The following GRM8 variants were observed in gnomAD, a reference collection of about 807,000 sequenced individuals.
The protein encoded by GRM8 is glutamate metabotropic receptor 8.
Under a neutral mutation model 87.2 loss-of-function variants are expected in GRM8, and 47 were observed. The ratio of observed to expected loss-of-function variants is 0.54; its 90% CI spans 0.43 to 0.69. The LOEUF (loss-of-function observed/expected upper bound fraction) is 0.69, where lower values mean the gene tolerates loss of function less well. Among genes scored for constraint, GRM8 ranks in the 30% least tolerant of loss-of-function variants. GRM8 has a pLI of 0.00. For missense variants in GRM8, 1,019 were observed against 1,139.2 expected (o/e 0.89, Z 1.52); for synonymous variants, 396 against 404.5 (o/e 0.98, Z 0.25).
At chr7:127,085,031 T>A (rs1241771104) in intron 3 of GRM8, among the ~76,000 whole-genome samples, 1 of 152,216 alleles carries the variant, frequency 6.6e-6, no homozygotes, top group Non-Finnish European at 1.5e-5. Context: ...TTCTCATTGT[T>A]CAATTCCCAC....
intron 3 of GRM8, among the ~76,000 whole-genome samples, chr7:127,002,406 C>T (rs1057463400): frequency 7.9e-5 from 12 of 151,586 alleles, no homozygotes; most frequent in Non-Finnish European, 1.8e-4. Context: ...TCCTCCTACC[C>T]AGCTGGGAAA....
chr7:127,114,136 T>C (rs1346499471), intron 2 of GRM8, among the ~76,000 whole-genome samples: 4 of 152,216 alleles, frequency 2.6e-5, no homozygotes, highest in African/African-American at 4.8e-5. Context: ...CCTGTCCTCA[T>C]AGTCGACAGT....
chr7:126,600,170 A>G (rs1797592326), intron 8 of GRM8, among the ~76,000 whole-genome samples: 1 of 152,160 alleles, frequency 6.6e-6, no homozygotes, highest in African/African-American at 2.4e-5. Context: ...GTACCTGTAT[A>G]ATTATGCAAT....
chr7:126,891,180 C>G (rs1046026846), intron 6 of GRM8, among the ~76,000 whole-genome samples: 2 of 152,054 alleles, frequency 1.3e-5, no homozygotes, highest in African/African-American at 4.8e-5. Flanking sequence ...TTGTCCTCTC[C>G]TTTAACATGC....
chr7:126,862,978 T>C (rs931144287), intron 6 of GRM8, among the ~76,000 whole-genome samples: 7 of 152,140 alleles, frequency 4.6e-5, no homozygotes, highest in African/African-American at 1.4e-4. Flanking sequence ...CTTCTTCTTG[T>C]ATGCTTTTCC....
chr7:127,226,787 C>A (rs1797355690), intron 2 of GRM8, among the ~76,000 whole-genome samples: 1 of 152,232 alleles, frequency 6.6e-6, no homozygotes, highest in African/African-American at 2.4e-5. Context: ...GCTCATGTTC[C>A]AAATTCTGCT....
chr7:126,978,736 T>C (rs940453759), intron 3 of GRM8, among the ~76,000 whole-genome samples: 1 of 152,200 alleles, frequency 6.6e-6, no homozygotes, highest in African/African-American at 2.4e-5. Context: ...GATTCCAATA[T>C]GTAAACATTT....
At position 126,730,787 on chromosome 7, in the gene GRM8, G is replaced by T. The variant is rs535059912; in HGVS notation, c.1357+39078C>A. 1.4e-4 allele frequency among the ~76,000 whole-genome samples: 21 copies of T among 152,232 alleles called. No homozygotes were observed. In the East Asian group the frequency reaches 3.9e-3, roughly 28 times the overall value. On this transcript the variant is annotated intron_variant, in intron 7 of 10. Transcript: ENST00000339582. ...ATATCAAAGTTAAGATAATGTTGAG[G>T]AATTAAATTAAAAATTAGGGAAACA...
chr7:126,823,185 C>T (rs1217881780), intron 6 of GRM8, among the ~76,000 whole-genome samples: 1 of 152,200 alleles, frequency 6.6e-6, no homozygotes, highest in Non-Finnish European at 1.5e-5. Context: ...CATCATATAA[C>T]TGACACATAA....
chr7:126,500,926 C>T lies in GRM8; in HGVS notation c.2430+32026G>A, dbSNP rs192954093. On this transcript the variant is annotated intron_variant, in intron 9 of 10. Coordinates refer to ENST00000339582, the MANE Select transcript of GRM8 (RefSeq NM_000845.3). ...TAAGCTATTTGCTATTTGTTATGCTCTCCCTTAGTCTTTGTTTATCAAATC... is the reference window on the plus strand; with the variant it reads ...TAAGCTATTTGCTATTTGTTATGCTTTCCCTTAGTCTTTGTTTATCAAATC... Among the ~76,000 whole-genome samples the T allele has an allele frequency of 3.2e-3, 484 of 152,074 alleles. 1 individual carries two copies. Among genetic ancestry groups the T allele is most frequent in the Non-Finnish European group, 5.2e-3 (355 of 67,922 alleles).
intron 3 of GRM8, among the ~76,000 whole-genome samples, chr7:127,073,357 C>T (rs1255214356): frequency 6.6e-6 from 1 of 152,102 alleles, no homozygotes; most frequent in Non-Finnish European, 1.5e-5. Context: ...ATGATCTGCG[C>T]CCCATCAGTG....
intron 6 of GRM8, among the ~76,000 whole-genome samples, chr7:126,882,748 C>G (rs909539973): frequency 6.6e-6 from 1 of 151,394 alleles, no homozygotes; most frequent in Non-Finnish European, 1.5e-5. Context: ...AATAGGAGAG[C>G]CTCCTGATGT....
intron 9 of GRM8, among the ~76,000 whole-genome samples, chr7:126,496,265 A>C (rs1274319514): frequency 6.6e-6 from 1 of 151,896 alleles, no homozygotes; most frequent in Non-Finnish European, 1.5e-5. Flanking sequence ...TATACGGAAG[A>C]AAGGAAGGAG....
At chr7:126,515,152 T>C (rs1811992985) in intron 9 of GRM8, among the ~76,000 whole-genome samples, 1 of 152,210 alleles carries the variant, frequency 6.6e-6, no homozygotes, top group African/African-American at 2.4e-5. Context: ...ATATCTTAAT[T>C]TCATCATATA....
intron 2 of GRM8, among the ~76,000 whole-genome samples, chr7:127,111,719 G>T (rs1338759264): frequency 6.6e-6 from 1 of 152,098 alleles, no homozygotes; most frequent in South Asian, 2.1e-4. Flanking sequence ...CAAGAAAACT[G>T]GTATTTTACA....
chr7:126,878,495 AT>A (rs991800732), intron 6 of GRM8, among the ~76,000 whole-genome samples: 17 of 150,346 alleles, frequency 1.1e-4, no homozygotes, highest in African/African-American at 4.2e-4. Flanking sequence ...GAGTTGTTGT[AT>A]CTTAATATAT....
intron 3 of GRM8, among the ~76,000 whole-genome samples, chr7:127,083,213 T>C (rs1173865575): frequency 6.6e-6 from 1 of 152,210 alleles, no homozygotes; most frequent in Non-Finnish European, 1.5e-5. Flanking sequence ...CTTTTTGTTT[T>C]CCTCACTTTC....
At chr7:127,086,203 C>A (rs557942739) in intron 3 of GRM8, among the ~76,000 whole-genome samples, 2 of 152,140 alleles carry the variant, frequency 1.3e-5, no homozygotes, top group African/African-American at 2.4e-5. Flanking sequence ...TGGGTTCAAG[C>A]GATTCTTCTG....
intron 9 of GRM8, among the ~76,000 whole-genome samples, chr7:126,504,665 A>C (rs1810172233): frequency 1.3e-5 from 2 of 152,072 alleles, no homozygotes; most frequent in Non-Finnish European, 2.9e-5. Context: ...AGTTTTTAAA[A>C]ATTACATCTT....
Sources: allele counts gnomAD v4.1 joint callset (sites outside exome capture counted in the v4.1 genomes callset), GRCh38; gene constraint gnomAD v4.1.1; transcripts MANE v1.5; gene names NCBI Gene and HGNC (gene_info 2026-07-23, HGNC 2026-07-21).